The following CDH13 variants were observed in gnomAD, a reference collection of about 807,000 sequenced individuals.
The protein encoded by CDH13 is cadherin-13.
Under a neutral mutation model 63.8 loss-of-function variants are expected in CDH13, and 24 were observed. The observed-to-expected ratio is 0.38, with a 90% CI of 0.27 to 0.53. CDH13 has a LOEUF of 0.53. Among genes scored for constraint, CDH13 ranks in the 20% least tolerant of loss-of-function variants. The pLI is 0.85. For synonymous variants in CDH13, 503 were observed against 355.3 expected (o/e 1.42, Z -4.67); for missense variants, 1,049 against 903.1 (o/e 1.16, Z -2.07).
chr16:83,143,999 G>A (rs994538134), intron 4 of CDH13, among the ~76,000 whole-genome samples: 11 of 152,010 alleles, frequency 7.2e-5, no homozygotes, highest in African/African-American at 2.4e-4. Flanking sequence ...TTTAACCCTC[G>A]GATAGGTCAC....
chr16:83,528,149 G>T (rs974542138), intron 7 of CDH13, among the ~76,000 whole-genome samples: 71 of 152,324 alleles, frequency 4.7e-4, no homozygotes, highest in African/African-American at 1.6e-3. Context: ...CTTAATAGCA[G>T]TGATAACTAA....
chr16:82,860,402 G>C (rs1375125150), intron 2 of CDH13, among the ~76,000 whole-genome samples: 1 of 146,444 alleles, frequency 6.8e-6, no homozygotes, highest in Non-Finnish European at 1.5e-5. Flanking sequence ...GGGGGGGGCG[G>C]CGGTGTGCGT....
intron 4 of CDH13, among the ~76,000 whole-genome samples, chr16:83,128,585 G>A (rs753367130): frequency 3.9e-5 from 6 of 152,164 alleles, no homozygotes; most frequent in Non-Finnish European, 5.9e-5. Flanking sequence ...TACACCTGTC[G>A]TCCAAATCTG....
intron 5 of CDH13, among the ~76,000 whole-genome samples, chr16:83,265,915 A>G (rs997180199): frequency 2.0e-5 from 3 of 151,810 alleles, no homozygotes; most frequent in Non-Finnish European, 4.4e-5. Flanking sequence ...CACCATCAGT[A>G]TCTGTAGTTA....
intron 6 of CDH13, among the ~76,000 whole-genome samples, chr16:83,467,813 A>G (rs1289784883): frequency 6.6e-6 from 1 of 152,192 alleles, no homozygotes; most frequent in Admixed American, 6.5e-5. Context: ...TAACCAAACA[A>G]GGACAATAAT....
chr16:83,151,970 A>G (rs749991675), intron 4 of CDH13, among the ~76,000 whole-genome samples: 2 of 152,170 alleles, frequency 1.3e-5, no homozygotes, highest in Non-Finnish European at 2.9e-5. Flanking sequence ...GAAAAGAAAA[A>G]AAAGAAAGTA....
At chr16:83,417,744 C>A (rs942533909) in intron 6 of CDH13, among the ~76,000 whole-genome samples, 1 of 152,202 alleles carries the variant, frequency 6.6e-6, no homozygotes, top group African/African-American at 2.4e-5. Context: ...CAAGGCTCAG[C>A]AGACATGTAT....
At chr16:82,668,976 T>C (rs917585235) in intron 1 of CDH13, among the ~76,000 whole-genome samples, 35 of 152,208 alleles carry the variant, frequency 2.3e-4, no homozygotes, top group African/African-American at 7.0e-4. Context: ...TGCCCCGGTG[T>C]ACCTGGCACA....
At chr16:83,353,076 A>T (rs1283558969) in intron 6 of CDH13, among the ~76,000 whole-genome samples, 1 of 152,170 alleles carries the variant, frequency 6.6e-6, no homozygotes. Context: ...AGAAGGGTGG[A>T]AGCGTGGCAA....
chr16:83,757,693 A>T (rs116928867), intron 11 of CDH13, among the ~76,000 whole-genome samples: 1,927 of 152,304 alleles, frequency 0.013, 130 homozygotes, highest in Admixed American at 0.1. Context: ...AAAAACACAA[A>T]TTACCAACAC....
intron 1 of CDH13, among the ~76,000 whole-genome samples, chr16:82,723,913 C>G (rs2032936946): frequency 6.6e-6 from 1 of 152,142 alleles, no homozygotes; most frequent in Non-Finnish European, 1.5e-5. Context: ...TATTCCCACT[C>G]CGTCTTCCAC....
intron 1 of CDH13, among the ~76,000 whole-genome samples, chr16:82,744,458 A>G (rs2034069947): frequency 6.6e-6 from 1 of 152,002 alleles, no homozygotes; most frequent in Non-Finnish European, 1.5e-5. Context: ...GAAAACCAGG[A>G]GAGGATTTTC....
intron 2 of CDH13, among the ~76,000 whole-genome samples, chr16:82,866,135 G>T (rs1378511103): frequency 2.0e-5 from 3 of 152,006 alleles, no homozygotes; most frequent in Non-Finnish European, 4.4e-5. Context: ...GACCACATCA[G>T]CCTGGACTTC....
intron 7 of CDH13, among the ~76,000 whole-genome samples, chr16:83,529,671 A>G (rs1026519542): frequency 6.6e-6 from 1 of 152,208 alleles, no homozygotes; most frequent in African/African-American, 2.4e-5. Context: ...TTTTCTGAGT[A>G]ATATAAATGG....
chr16:83,675,893 C>T (rs551137725), intron 9 of CDH13, among the ~76,000 whole-genome samples: 1 of 152,162 alleles, frequency 6.6e-6, no homozygotes, highest in Non-Finnish European at 1.5e-5. Flanking sequence ...GAATTACAGT[C>T]AATTCATTCA....
At chr16:83,558,889 G>T (rs368491810) in intron 7 of CDH13, among the ~76,000 whole-genome samples, 1 of 152,282 alleles carries the variant, frequency 6.6e-6, no homozygotes, top group South Asian at 2.1e-4. Flanking sequence ...CCGAAGCTGG[G>T]TGTCCACAGT....
chr16:83,286,755 CAA>C (rs35774290), intron 5 of CDH13, among the ~76,000 whole-genome samples: 2 of 128,132 alleles, frequency 1.6e-5, no homozygotes, highest in African/African-American at 5.7e-5. Context: ...GACTCTGTCT[CAA>C]AAAAAAAAAA....
chr16:82,928,592 C>T (rs1342243549), intron 2 of CDH13, among the ~76,000 whole-genome samples: 1 of 152,126 alleles, frequency 6.6e-6, no homozygotes, highest in Non-Finnish European at 1.5e-5. Flanking sequence ...CTCTTAAGAC[C>T]TTATCTGGAG....
chr16:83,583,310 G>A (rs1905811782), intron 7 of CDH13, among the ~76,000 whole-genome samples: 1 of 152,136 alleles, frequency 6.6e-6, no homozygotes, highest in African/African-American at 2.4e-5. Context: ...GCAGGTACTG[G>A]GGGTTAGGAG....
Sources: allele counts gnomAD v4.1 joint callset (sites outside exome capture counted in the v4.1 genomes callset), GRCh38; gene constraint gnomAD v4.1.1; transcripts MANE v1.5; gene names NCBI Gene and HGNC (gene_info 2026-07-23, HGNC 2026-07-21).